DR1: variants seen among roughly 807,000 people sequenced by gnomAD.
The protein encoded by DR1 is protein Dr1.
Under a neutral mutation model 19.9 loss-of-function variants are expected in DR1, and 7 were observed. The ratio of observed to expected loss-of-function variants is 0.35; its 90% CI spans 0.20 to 0.66. The LOEUF is 0.66. Ranked by LOEUF, DR1 falls within the 30% of genes least tolerant of loss-of-function variation. The pLI, the probability that DR1 is intolerant of heterozygous loss-of-function variation, is 0.66. For synonymous variants in DR1, 76 were observed against 72.5 expected (o/e 1.05, Z -0.24); for missense variants, 98 against 203.7 (o/e 0.48, Z 3.16).
chr1:93,360,386 G>C (rs747216440), intron 2 of DR1, 107 bp from the exon 3 acceptor site: 11 of 1,024,280 alleles, frequency 1.1e-5, no homozygotes, highest in African/African-American at 1.7e-5. Context: ...CAGTATCCAA[G>C]TATGATAATA....
At chr1:93,360,389 T>C in intron 2 of DR1, 104 bp from the exon 3 acceptor site, 1 of 1,059,390 alleles carries the variant, frequency 9.4e-7, no homozygotes, top group Non-Finnish European at 1.3e-6. Flanking sequence ...TATCCAAGTA[T>C]GATAATAAAC....
chr1:93,349,676 G>A (rs115035801), intron 1 of DR1, among the ~76,000 whole-genome samples: 108 of 152,144 alleles, frequency 7.1e-4, no homozygotes, highest in Admixed American at 1.2e-3. Context: ...GAGAATTTGC[G>A]TCTTCAGCTG....
Position 93,362,715 on chromosome 1 carries a change from G to T in DR1, c.*2076G>T, listed in dbSNP as rs1667071049. The T allele has an allele frequency of 6.9e-6, 1 of 145,802 alleles. No individual in the cohort carries two copies. Among genetic ancestry groups the T allele is most frequent in the South Asian group, 2.1e-4 (1 of 4,672 alleles). 9.0% of individuals were successfully genotyped at this position (145,802 alleles called of 1,614,324 possible). A position where few individuals can be genotyped will look rare whatever the true frequency, so the allele number is the denominator to read the frequency against. ...TATGTAGTACCTGCCTTTTGTTTTT[G>T]TTTACTGTTATTTCAAAAAATGTGG... is the stretch of plus-strand genomic sequence containing the variant. On this transcript the variant is annotated 3_prime_UTR_variant, in exon 3 of 3. Transcript: ENST00000370272.
Position 93,360,510 on chromosome 1 carries a change from A to G in DR1, c.402A>G (p.Ala134=). Residue 134 remains alanine (A), a synonymous_variant, in exon 3 of 3, where the codon GCA becomes GCG. Transcript: ENST00000370272. ...GTGTTTAGGCTAGACAGCAACAAGC[A>G]GAATTGGCCCAACAGGAATGGCTTC... The part of the protein sequence containing the change: ...ELFAKARQQQ[A]ELAQQEWLQM... The G allele has an allele frequency of 6.3e-7, 1 of 1,580,868 alleles. No homozygotes were observed. Among genetic ancestry groups the G allele is most frequent in the Non-Finnish European group, 8.5e-7 (1 of 1,170,032 alleles).
Position 93,368,416 on chromosome 1 carries a change from T to G in DR1, c.*7777T>G, listed in dbSNP as rs1667193469. On this transcript the variant is annotated 3_prime_UTR_variant, in exon 3 of 3. Coordinates refer to ENST00000370272, the MANE Select transcript of DR1 (RefSeq NM_001938.3). ...GTTTTTAATGTGAATCAGAGATTTT[T>G]ATTAGGAATTGGGAGTGGAAGGAGA... The G allele has an allele frequency of 6.6e-6, 1 of 152,222 alleles. No homozygotes were observed. The highest frequency in any genetic ancestry group is 2.1e-4 in the South Asian group (1 of 4,832). 9.4% of individuals were successfully genotyped at this position (152,222 alleles called of 1,614,324 possible).
At position 93,362,786 on chromosome 1, in the gene DR1, A is replaced by G. The variant is rs1405818601; in HGVS notation, c.*2147A>G. ...TTTACAGTCCTAAGATCGAGGCATAACAAAGCTTACTTATGCAATATTTTA... is the reference window on the plus strand; with the variant it reads ...TTTACAGTCCTAAGATCGAGGCATAGCAAAGCTTACTTATGCAATATTTTA... On this transcript the variant is annotated 3_prime_UTR_variant, in exon 3 of 3. Transcript: ENST00000370272. The G allele has an allele frequency of 6.7e-6, 1 of 148,440 alleles. No homozygotes were observed. 9.2% of individuals were successfully genotyped at this position (148,440 alleles called of 1,614,324 possible).
chr1:93,358,314 T>A (rs1398884026), intron 2 of DR1, among the ~76,000 whole-genome samples: 1 of 50,348 alleles, frequency 2.0e-5, no homozygotes, highest in East Asian at 3.2e-3. Context: ...TCCATTAGAC[T>A]CTGTTGCCAT....
At position 93,346,946 on chromosome 1, in the gene DR1, C is replaced by T. The variant is rs1570707322; in HGVS notation, c.220+81C>T. The T allele has an allele frequency of 5.7e-6, 7 of 1,220,250 alleles. No homozygotes were observed. In the Admixed American group the frequency reaches 6.2e-5, roughly 11 times the overall value. The allele number at this position is 1,220,250 out of a possible 1,614,324, so 75.6% of individuals were successfully genotyped here. On this transcript the variant is annotated intron_variant, in intron 1 of 2. Transcript: ENST00000370272. ...TCGCGTGACCCTTTCGTGTCAAAGC[C>T]TCCATTCCTCTTCCCTGGTAAGTAA... is the stretch of plus-strand genomic sequence containing the variant.
Position 93,351,576 on chromosome 1 carries a change from C to T in DR1, c.221-2332C>T, listed in dbSNP as rs527941691. Among the ~76,000 whole-genome samples, 5 of 151,510 alleles carry T rather than the reference C, an allele frequency of 3.3e-5. No individual in the cohort carries two copies. In the South Asian group the frequency reaches 1.0e-3, roughly 32 times the overall value. On this transcript the variant is annotated intron_variant, in intron 1 of 2. Coordinates refer to ENST00000370272, the MANE Select transcript of DR1 (RefSeq NM_001938.3). ...TTAGCCTCCTGAGTAGCTGGGATTA[C>T]AGGCGTGTGCCACCACGCCTGGCTA...
At chr1:93,347,006 C>T in intron 1 of DR1, 141 bp downstream of exon 1, 1 of 734,016 alleles carries the variant, frequency 1.4e-6, no homozygotes, top group Middle Eastern at 2.4e-4. Flanking sequence ...TGTAGGCAGC[C>T]GGTGCTTTAA....
In DR1 at chr1:93,365,253, A is replaced by T. The variant is rs1484287938; in HGVS notation, c.*4614A>T. 6.6e-6 allele frequency: 1 copy of T among 152,202 alleles called. No homozygotes were observed. Among genetic ancestry groups the T allele is most frequent in the Non-Finnish European group, 1.5e-5 (1 of 68,036 alleles). The allele number at this position is 152,202 out of a possible 1,614,324, so 9.4% of individuals were successfully genotyped here. ...AGCCTCAAACTCCTGGGCTCAAGCA[A>T]TCCAAAAGGAGGAAACTTTTAACTT... On this transcript the variant is annotated 3_prime_UTR_variant, in exon 3 of 3. Transcript: ENST00000370272.
intron 1 of DR1, among the ~76,000 whole-genome samples, chr1:93,349,363 G>A (rs1666890738): frequency 6.6e-6 from 1 of 151,990 alleles, no homozygotes; most frequent in African/African-American, 2.4e-5. Flanking sequence ...AGCTATAAAA[G>A]GTGTTCCTAT....
chr1:93,360,054 T>G (rs567873728), intron 2 of DR1, among the ~76,000 whole-genome samples: 10 of 152,252 alleles, frequency 6.6e-5, no homozygotes, highest in South Asian at 6.2e-4. Context: ...TTTTAAACCA[T>G]ATAAATAAAT....
In DR1 at chr1:93,368,372, G is replaced by A. The variant is rs1667191384; in HGVS notation, c.*7733G>A. 3 of 152,346 alleles carry A rather than the reference G, an allele frequency of 2.0e-5. No individual in the cohort carries two copies. The South Asian group carries it at 6.2e-4, about 32-fold the overall frequency. 9.4% of individuals were successfully genotyped at this position (152,346 alleles called of 1,614,324 possible). On this transcript the variant is annotated 3_prime_UTR_variant, in exon 3 of 3. Transcript: ENST00000370272. ...CATAGAAAGCAGTAGAGGTGGAAGAGGGAGACTTGCCAGAATAAGTTTTTA... is the reference window on the plus strand; with the variant it reads ...CATAGAAAGCAGTAGAGGTGGAAGAAGGAGACTTGCCAGAATAAGTTTTTA...
rs568980924 is a variant in DR1 at position 93,346,891 on chromosome 1, G to A, written c.220+26G>A. ...GTAAGTCGTGTGTGAGAGCTGGTTT[G>A]AATGAGGTTCTAGGGTAGCAGTCTG... On this transcript the variant is annotated intron_variant, in intron 1 of 2. Transcript: ENST00000370272. 5.1e-6 allele frequency: 8 copies of A among 1,578,494 alleles called. No homozygotes were observed. The South Asian group carries it at 5.7e-5, about 11-fold the overall frequency.
chr1:93,346,623 G>A lies in DR1; in HGVS notation c.-23G>A. On this transcript the variant is annotated 5_prime_UTR_variant, in exon 1 of 3. Coordinates refer to ENST00000370272, the MANE Select transcript of DR1 (RefSeq NM_001938.3). ...GAGCTGGGGAGTTTTTAAAAGCCGG[G>A]GCGCGAGAAACAGGAAGGTACTATG... is the stretch of plus-strand genomic sequence containing the variant. 8 of 1,606,432 alleles carry A rather than the reference G, an allele frequency of 5.0e-6. No individual in the cohort carries two copies. The South Asian group carries it at 8.8e-5, about 18-fold the overall frequency.
intron 1 of DR1, among the ~76,000 whole-genome samples, chr1:93,351,772 G>A (rs1329381583): frequency 6.6e-6 from 1 of 151,844 alleles, no homozygotes; most frequent in Non-Finnish European, 1.5e-5. Context: ...TAGTAACTAT[G>A]GTATTTTGAA....
chr1:93,360,072 T>G (rs908777267), intron 2 of DR1, among the ~76,000 whole-genome samples: 2 of 152,088 alleles, frequency 1.3e-5, no homozygotes, highest in East Asian at 1.9e-4. Context: ...AATTTTAGAT[T>G]GAAAAATGTT....
intron 1 of DR1, 109 bp downstream of exon 1, chr1:93,346,974 T>C: frequency 1.8e-5 from 19 of 1,027,112 alleles, no homozygotes; most frequent in Non-Finnish European, 2.7e-5. Flanking sequence ...GTAAGTAACT[T>C]AATGAAAAAG....
Sources: gnomAD v4.1 joint callset for allele counts (sites outside exome capture counted in the v4.1 genomes callset) on GRCh38, gnomAD v4.1.1 for gene constraint, MANE v1.5 for transcripts, NCBI Gene and HGNC (gene_info 2026-07-23, HGNC 2026-07-21) for gene names.